The following HMGCLL1 variants were observed in gnomAD, a reference collection of about 807,000 sequenced individuals.
The protein encoded by HMGCLL1 is 3-hydroxymethyl-3-methylglutaryl-CoA lyase, cytoplasmic.
HMGCLL1 carries 36 observed loss-of-function variants against 39.1 expected under a neutral mutation model. That is an observed-to-expected ratio of 0.92 (90% confidence interval 0.71 to 1.22). The LOEUF is 1.22. Among genes scored for constraint, HMGCLL1 ranks in the 50% most tolerant of loss-of-function variants. The probability of loss-of-function intolerance (pLI) is 0.00; values close to 1 mark genes in which losing one functional copy is unlikely to be tolerated. For missense variants in HMGCLL1, 451 were observed against 416.5 expected, an observed-to-expected ratio of 1.08 and a Z score of -0.72; for synonymous variants, 149 against 144.0, an observed-to-expected ratio of 1.03 and a Z score of -0.25.
intron 5 of HMGCLL1, chr6:55,512,374 A>G (rs1767509724): frequency 1.3e-5 from 2 of 152,060 alleles, no homozygotes; most frequent in Non-Finnish European, 2.9e-5. Context: ...GAGACAACTT[A>G]TTTATATTCG....
Position 55,439,563 on chromosome 6 carries a change from G to A in HMGCLL1, c.796-4C>T, listed in dbSNP as rs1471786191. 1.2e-6 allele frequency: 2 copies of A among 1,611,010 alleles called. No homozygotes were observed. The highest frequency in any genetic ancestry group is 1.7e-6 in the Non-Finnish European group (2 of 1,178,152). ...AGTCCACCACATTAATTCCCATCTG[G>A]AAAACAAACCAAACCACCTAAAGCT... On this transcript the variant is annotated splice_polypyrimidine_tract_variant and splice_region_variant and intron_variant, in intron 7 of 8. Transcript: ENST00000274901.
At chr6:55,477,606 TC>T (rs1279339579) in intron 7 of HMGCLL1, among the ~76,000 whole-genome samples, 2 of 141,542 alleles carry the variant, frequency 1.4e-5, no homozygotes, top group African/African-American at 5.4e-5. Flanking sequence ...TGCCTAAATG[TC>T]TTTTAATGGG....
chr6:55,463,077 C>A (rs1479458832), intron 7 of HMGCLL1, among the ~76,000 whole-genome samples: 4 of 146,732 alleles, frequency 2.7e-5, no homozygotes, highest in African/African-American at 1.0e-4. Context: ...GTTGCCCAGG[C>A]TGGAGTGCAG....
At chr6:55,678,823 A>C in the HMGCLL1 span, among the ~76,000 whole-genome samples, 1 of 152,114 alleles carries the variant, frequency 6.6e-6, no homozygotes, top group Non-Finnish European at 1.5e-5. Context: ...GAGTAAGGAG[A>C]AATGAAAGGG....
At chr6:55,596,127 G>A in the HMGCLL1 span, among the ~76,000 whole-genome samples, 1 of 152,068 alleles carries the variant, frequency 6.6e-6, no homozygotes, top group African/African-American at 2.4e-5. Flanking sequence ...GAGTTTGAGA[G>A]CAGCCTGACC....
At chr6:55,637,477 A>G in the HMGCLL1 span, among the ~76,000 whole-genome samples, 1 of 152,106 alleles carries the variant, frequency 6.6e-6, no homozygotes, top group African/African-American at 2.4e-5. Context: ...TTAATGTTTC[A>G]GTTCGATTAT....
the HMGCLL1 span, among the ~76,000 whole-genome samples, chr6:55,675,931 A>G: frequency 6.6e-6 from 1 of 152,206 alleles, no homozygotes; most frequent in African/African-American, 2.4e-5. Context: ...TAGAATTGTT[A>G]GTAATACAAT....
In HMGCLL1 at chr6:55,564,017, G is replaced by A; in HGVS notation, c.108+14931C>T. 3 of 487,868 alleles carry A rather than the reference G, an allele frequency of 6.1e-6. No homozygotes were observed. The Admixed American group carries it at 7.1e-5, about 12-fold the overall frequency. 30.2% of individuals were successfully genotyped at this position (487,868 alleles called of 1,614,324 possible). A position where few individuals can be genotyped will look rare whatever the true frequency, so the allele number is the denominator to read the frequency against. On this transcript the variant is annotated intron_variant, in intron 1 of 8. Transcript: ENST00000274901. The stretch of plus-strand genomic sequence containing the variant: ...GTTTTTTGAAATGCTAAGCAGAAAT[G>A]GAAAGGCAGCAAAGCCTCATGAAAG...
At chr6:55,471,600 T>C (rs1025542789) in intron 7 of HMGCLL1, among the ~76,000 whole-genome samples, 4 of 151,794 alleles carry the variant, frequency 2.6e-5, no homozygotes, top group African/African-American at 9.7e-5. Context: ...TTCAGATTAA[T>C]GTTGAACATA....
At chr6:55,508,046 G>C (rs1047807179) in intron 5 of HMGCLL1, among the ~76,000 whole-genome samples, 1 of 151,688 alleles carries the variant, frequency 6.6e-6, no homozygotes, top group Admixed American at 6.6e-5. Flanking sequence ...GTGAAAAAGG[G>C]ATTCCAAAGA....
chr6:55,627,913 A>ATATATTATATATATATAG, the HMGCLL1 span, among the ~76,000 whole-genome samples: 5 of 1,178 alleles, frequency 4.2e-3, 1 homozygote, highest in African/African-American at 0.014. Context: ...TATATACTAT[A>ATATATTATATATATATAG]TATATATAAT....
At chr6:55,505,507 T>A (rs4409174) in intron 5 of HMGCLL1, among the ~76,000 whole-genome samples, 102,322 of 151,372 alleles carry the variant, frequency 0.68, 34,583 homozygotes, top group Non-Finnish European at 0.7. Flanking sequence ...TGAGAGCCTG[T>A]AATGCATTTA....
chr6:55,554,227 T>C (rs1194167060), intron 1 of HMGCLL1, among the ~76,000 whole-genome samples: 3 of 152,202 alleles, frequency 2.0e-5, no homozygotes, highest in South Asian at 2.1e-4. Flanking sequence ...TGGCATCATA[T>C]GCTTAGAGGC....
At chr6:55,624,396 T>C in the HMGCLL1 span, among the ~76,000 whole-genome samples, 13 of 152,178 alleles carry the variant, frequency 8.5e-5, no homozygotes, top group Admixed American at 7.2e-4. Flanking sequence ...AGCCATTGAC[T>C]TGACAAATAT....
chr6:55,589,317 A>G, the HMGCLL1 span, among the ~76,000 whole-genome samples: 1 of 152,192 alleles, frequency 6.6e-6, no homozygotes, highest in African/African-American at 2.4e-5. Context: ...GATTATCTCA[A>G]TAGATGCAGA....
At chr6:55,489,812 T>C (rs1449274094) in intron 7 of HMGCLL1, among the ~76,000 whole-genome samples, 1 of 152,110 alleles carries the variant, frequency 6.6e-6, no homozygotes, top group Non-Finnish European at 1.5e-5. Flanking sequence ...TTTGATTAAC[T>C]ATATTTGTTT....
At chr6:55,571,965 T>A (rs951511610) in intron 1 of HMGCLL1, among the ~76,000 whole-genome samples, 24 of 152,126 alleles carry the variant, frequency 1.6e-4, no homozygotes, top group Non-Finnish European at 2.8e-4. Flanking sequence ...ACTTAATTTT[T>A]AAAAAGACTA....
rs570917783 is a variant in HMGCLL1, at chr6:55,523,909, T to C, written c.298-7306A>G. Among the ~76,000 whole-genome samples, 7 of 152,076 alleles carry C rather than the reference T, an allele frequency of 4.6e-5. No homozygotes were observed. The South Asian group carries it at 1.4e-3, about 31-fold the overall frequency. On this transcript the variant is annotated intron_variant, in intron 3 of 8. Coordinates refer to ENST00000274901, the MANE Select transcript of HMGCLL1 (RefSeq NM_001042406.2). ...ATGTGAAATCAAATGGAAATTTTCA[T>C]CTATCAAAAATATATTCCATATAAC...
At chr6:55,507,096 G>A (rs1016731109) in intron 5 of HMGCLL1, among the ~76,000 whole-genome samples, 13 of 151,644 alleles carry the variant, frequency 8.6e-5, no homozygotes, top group Admixed American at 5.9e-4. Flanking sequence ...CATTGAACCT[G>A]TAAGACTTCA....
Sources: allele counts gnomAD v4.1 joint callset (sites outside exome capture counted in the v4.1 genomes callset), GRCh38; gene constraint gnomAD v4.1.1; transcripts MANE v1.5; gene names NCBI Gene and HGNC (gene_info 2026-07-23, HGNC 2026-07-21).